Variants in CDH12 observed in about 807,000 individuals in gnomAD.
The protein encoded by CDH12 is cadherin-12.
Under a neutral mutation model 74.1 loss-of-function variants are expected in CDH12, and 41 were observed. That is an observed-to-expected ratio of 0.55 (90% CI 0.43 to 0.72). The LOEUF (loss-of-function observed/expected upper bound fraction) is 0.72. Among genes scored for constraint, CDH12 ranks in the 30% least tolerant of loss-of-function variants. The probability of loss-of-function intolerance (pLI) is 0.00; values close to 1 mark genes in which losing one functional copy is unlikely to be tolerated. For synonymous variants in CDH12, 399 were observed against 355.0 expected, an observed-to-expected ratio of 1.12 and a Z score of -1.39; for missense variants, 945 against 977.2, an observed-to-expected ratio of 0.97 and a Z score of 0.44.
chr5:22,171,303 T>C (rs1749016524), intron 4 of CDH12, among the ~76,000 whole-genome samples: 1 of 151,898 alleles, frequency 6.6e-6, no homozygotes, highest in Non-Finnish European at 1.5e-5. Flanking sequence ...ATAATGTTCG[T>C]TAAGTGCTCC....
At chr5:22,713,132 CTTTTTTTTT>C (rs70959753) in intron 1 of CDH12, among the ~76,000 whole-genome samples, 4 of 61,164 alleles carry the variant, frequency 6.5e-5, no homozygotes, top group Non-Finnish European at 1.1e-4. Flanking sequence ...TATGCTAATT[CTTTTTTTTT>C]TTTTTTTTTT....
At chr5:22,003,868 A>G (rs1158733798) in intron 5 of CDH12, among the ~76,000 whole-genome samples, 3 of 151,180 alleles carry the variant, frequency 2.0e-5, no homozygotes, top group African/African-American at 7.3e-5. Flanking sequence ...TTTAGGTTAA[A>G]TTCCAGAAGT....
At chr5:22,744,508 T>C (rs1012765569) in intron 1 of CDH12, among the ~76,000 whole-genome samples, 1 of 152,208 alleles carries the variant, frequency 6.6e-6, no homozygotes, top group African/African-American at 2.4e-5. Flanking sequence ...TCATTGATAA[T>C]GAAAAGTTTA....
chr5:22,020,942 A>G (rs1737933247), intron 5 of CDH12, among the ~76,000 whole-genome samples: 1 of 152,156 alleles, frequency 6.6e-6, no homozygotes, highest in South Asian at 2.1e-4. Flanking sequence ...CTAATTGGTG[A>G]GTGCTGTTTT....
At chr5:22,367,273 G>A (rs1161490485) in intron 3 of CDH12, among the ~76,000 whole-genome samples, 3 of 152,096 alleles carry the variant, frequency 2.0e-5, no homozygotes, top group Non-Finnish European at 2.9e-5. Flanking sequence ...ACAGCAATTT[G>A]GGATGGACAT....
intron 6 of CDH12, among the ~76,000 whole-genome samples, chr5:21,928,356 A>T (rs1279780298): frequency 1.3e-5 from 2 of 152,234 alleles, no homozygotes; most frequent in African/African-American, 4.8e-5. Flanking sequence ...GCATGGAGTT[A>T]GTGGGAGAAA....
chr5:22,311,918 T>G (rs865896436), intron 3 of CDH12, among the ~76,000 whole-genome samples: 1 of 152,144 alleles, frequency 6.6e-6, no homozygotes, highest in Non-Finnish European at 1.5e-5. Context: ...ATTTTTAAAT[T>G]AATTTTTACA....
chr5:22,398,859 T>A (rs781510527), intron 3 of CDH12, among the ~76,000 whole-genome samples: 2 of 152,084 alleles, frequency 1.3e-5, no homozygotes, highest in East Asian at 3.9e-4. Context: ...TTGGCTCCTA[T>A]GTAAGCTTTA....
At chr5:22,128,959 CA>C (rs530543035) in intron 4 of CDH12, among the ~76,000 whole-genome samples, 99 of 152,282 alleles carry the variant, frequency 6.5e-4, no homozygotes, top group Non-Finnish European at 1.2e-3. Flanking sequence ...TTTTCATCTT[CA>C]AATTGTTCAC....
chr5:21,985,306 T>C (rs919661914), intron 5 of CDH12, among the ~76,000 whole-genome samples: 10 of 152,146 alleles, frequency 6.6e-5, no homozygotes, highest in Admixed American at 2.0e-4. Flanking sequence ...TCTCAAAACA[T>C]ATATGGACAA....
intron 6 of CDH12, among the ~76,000 whole-genome samples, chr5:21,869,441 T>C (rs374460671): frequency 1.1e-3 from 174 of 152,330 alleles, no homozygotes; most frequent in African/African-American, 3.9e-3. Context: ...TGACTAGTTG[T>C]AGAAATGAAG....
intron 8 of CDH12, among the ~76,000 whole-genome samples, chr5:21,833,204 A>G (rs1225616749): frequency 5.1e-5 from 1 of 19,458 alleles, no homozygotes. Flanking sequence ...TAATATATAT[A>G]TTATAATATA....
chr5:22,450,355 A>C (rs1561413193), intron 2 of CDH12, among the ~76,000 whole-genome samples: 1 of 151,922 alleles, frequency 6.6e-6, no homozygotes, highest in Non-Finnish European at 1.5e-5. Context: ...TCAAAAGAGA[A>C]ATATGGATCC....
intron 4 of CDH12, among the ~76,000 whole-genome samples, chr5:22,200,123 C>T (rs1454492184): frequency 1.3e-5 from 2 of 151,830 alleles, no homozygotes; most frequent in Admixed American, 6.6e-5. Context: ...ATATAAAGGA[C>T]AAATAATAAA....
At chr5:22,459,981 T>C (rs1367818228) in intron 2 of CDH12, among the ~76,000 whole-genome samples, 4 of 151,814 alleles carry the variant, frequency 2.6e-5, no homozygotes, top group Non-Finnish European at 5.9e-5. Flanking sequence ...AATAAATAAA[T>C]AAATAAATAA....
chr5:22,385,508 A>G (rs1248228430), intron 3 of CDH12, among the ~76,000 whole-genome samples: 1 of 152,198 alleles, frequency 6.6e-6, no homozygotes, highest in Non-Finnish European at 1.5e-5. Context: ...AAATATTTTC[A>G]CAACCTCAAC....
intron 3 of CDH12, among the ~76,000 whole-genome samples, chr5:22,310,180 G>T (rs1270338602): frequency 2.6e-5 from 4 of 152,094 alleles, no homozygotes; most frequent in South Asian, 4.2e-4. Context: ...ACAACAACAG[G>T]CCAAGCGCGG....
At chr5:22,302,580 A>G (rs984671884) in intron 3 of CDH12, among the ~76,000 whole-genome samples, 4 of 152,164 alleles carry the variant, frequency 2.6e-5, no homozygotes. Flanking sequence ...ATTTTGGATC[A>G]TCTAAAAAGA....
intron 10 of CDH12, among the ~76,000 whole-genome samples, chr5:21,794,858 A>G (rs1032036317): frequency 1.3e-5 from 2 of 151,688 alleles, no homozygotes; most frequent in East Asian, 1.9e-4. Context: ...TTTTTTATGT[A>G]GAGCCCAATT....
Sources: allele counts gnomAD v4.1 joint callset (sites outside exome capture counted in the v4.1 genomes callset), GRCh38; gene constraint gnomAD v4.1.1; transcripts MANE v1.5; gene names NCBI Gene and HGNC (gene_info 2026-07-23, HGNC 2026-07-21).